SETD1B: variants seen among roughly 807,000 people sequenced by gnomAD.
SETD1B encodes the protein SET domain containing 1B, histone lysine methyltransferase.
In SETD1B, 7 loss-of-function variants were observed where a neutral mutation model predicts 148.0. The observed-to-expected ratio is 0.05, with a 90% CI of 0.03 to 0.09. The LOEUF is 0.09. Ranked by LOEUF, SETD1B falls within the 10% of genes least tolerant of loss-of-function variation. The pLI is 1.00. For missense variants in SETD1B, 2,155 were observed against 2,729.9 expected (o/e 0.79, Z 4.69); for synonymous variants, 1,361 against 1,186.5 (o/e 1.15, Z -3.02).
In SETD1B at chr12:121,808,352, C is replaced by G; in HGVS notation, c.657+32C>G. 1 of 1,475,088 alleles carries G rather than the reference C, an allele frequency of 6.8e-7. No homozygotes were observed. Among genetic ancestry groups the G allele is most frequent in the Non-Finnish European group, 9.3e-7 (1 of 1,079,912 alleles). 91.4% of individuals were successfully genotyped at this position (1,475,088 alleles called of 1,614,324 possible). On this transcript the variant is annotated intron_variant, in intron 5 of 16. Transcript: ENST00000604567. The surrounding 1 kb of genome is among the most constrained non-coding windows in gnomAD (Gnocchi z 5.3). ...TTATGGCCGTCAGTCTGCCCCATCG[C>G]CAGCTCTTTGATGTGCCCCCCACCT...
chr12:121,796,118 C>A, the SETD1B span: 1 of 152,654 alleles, frequency 6.6e-6, no homozygotes, highest in Non-Finnish European at 1.5e-5. Context: ...CTGCTCAGAG[C>A]TTCCTCGGAG....
intron 7 of SETD1B, among the ~76,000 whole-genome samples, chr12:121,816,431 T>C (rs1312769575): frequency 6.6e-6 from 1 of 152,220 alleles, no homozygotes; most frequent in Non-Finnish European, 1.5e-5. Context: ...AAATCACTGA[T>C]ACACAGCTCT....
the SETD1B span, among the ~76,000 whole-genome samples, chr12:121,796,813 G>A: frequency 2.6e-5 from 4 of 152,298 alleles, no homozygotes; most frequent in East Asian, 7.7e-4. Flanking sequence ...AGGCCGAGGT[G>A]GGCGGATCAC....
rs994444136 is a variant in SETD1B at position 121,822,782 on chromosome 12, G to A, written c.4203G>A (p.Pro1401=). The A allele has an allele frequency of 2.8e-5, 42 of 1,513,128 alleles. No homozygotes were observed. The highest frequency in any genetic ancestry group is 2.4e-4 in the South Asian group (19 of 78,936). The allele number at this position is 1,513,128 out of a possible 1,614,324, so 93.7% of individuals were successfully genotyped here. A position where few individuals can be genotyped will look rare whatever the true frequency, so the allele number is the denominator to read the frequency against. Residue 1401 remains proline, a synonymous_variant, in exon 12 of 17, where the codon CCG becomes CCA. Transcript: ENST00000604567. The part of the protein sequence containing the change: ...GGSSGLSLSS[P]QVPGSPFSYP... ...GCAGTGGCCTGTCCCTGAGCTCTCCGCAAGTGCCCGGCAGCCCCTTCTCCT... is the reference window on the plus strand; with the variant it reads ...GCAGTGGCCTGTCCCTGAGCTCTCCACAAGTGCCCGGCAGCCCCTTCTCCT...
chr12:121,827,496 GC>G, intron 13 of SETD1B, 22 bp from the exon 14 acceptor site: 4 of 1,518,862 alleles, frequency 2.6e-6, no homozygotes, highest in Non-Finnish European at 3.5e-6. Context: ...GCTCCGCTGA[GC>G]CCCGCACACC....
chr12:121,797,201 C>T, the SETD1B span: 35 of 352,782 alleles, frequency 9.9e-5, no homozygotes, highest in African/African-American at 6.9e-4. Flanking sequence ...CCAGAGGGTC[C>T]GAAAGGTCAT....
At position 121,827,195 on chromosome 12, in the gene SETD1B, G is replaced by A. The variant is rs148095458; in HGVS notation, c.5338-324G>A. ...ACACAAGGGTTTCGGAAGGATCCCC[G>A]ATTTTGAACGCTTGTGGGGTGAGAG... On this transcript the variant is annotated intron_variant, in intron 13 of 16. Coordinates refer to ENST00000604567, the MANE Select transcript of SETD1B (RefSeq NM_001353345.2). Among the ~76,000 whole-genome samples the A allele has an allele frequency of 9.3e-3, 1,410 of 152,170 alleles. 21 individuals are homozygous for A. Among genetic ancestry groups the A allele is most frequent in the African/African-American group, 0.032 (1,339 of 41,514 alleles).
chr12:121,806,314 T>C (rs992517573), intron 4 of SETD1B, among the ~76,000 whole-genome samples: 5 of 151,978 alleles, frequency 3.3e-5, no homozygotes, highest in Non-Finnish European at 5.9e-5. Flanking sequence ...TTACCAAATG[T>C]GCCGGTCCTT....
upstream of SETD1B, chr12:121,803,488 G>C (rs1875504679): frequency 6.6e-6 from 1 of 152,210 alleles, no homozygotes; most frequent in South Asian, 2.1e-4. This position sits in a 1 kb window ranked among gnomAD's most constrained non-coding sequence, Gnocchi z 4.7. Context: ...CAGCTCCGGG[G>C]AGGGGGTCGC....
upstream of SETD1B, chr12:121,800,614 TG>T (rs994413744): frequency 1.3e-5 from 2 of 150,880 alleles, no homozygotes; most frequent in Admixed American, 1.3e-4. Context: ...GGTGCCCGCG[TG>T]GGCCGCCGGG....
In SETD1B at chr12:121,804,920, C is replaced by T; in HGVS notation, c.174+9C>T. 1 of 1,487,176 alleles carries T rather than the reference C, an allele frequency of 6.7e-7. No homozygotes were observed. The highest frequency in any genetic ancestry group is 9.0e-7 in the Non-Finnish European group (1 of 1,115,344). 92.1% of individuals were successfully genotyped at this position (1,487,176 alleles called of 1,614,324 possible). On this transcript the variant is annotated intron_variant, in intron 2 of 16. Transcript: ENST00000604567. The surrounding 1 kb of genome is among the most constrained non-coding windows in gnomAD (Gnocchi z 4.6). ...AGCATTTCAGCCTGGCGGTGAGTAG[C>T]CGGCGCGCCCCCCCAGCCGTGCCCC...
Position 121,804,659 on chromosome 12 carries a change from C to T in SETD1B, c.-14-65C>T, listed in dbSNP as rs555684180. 8.8e-4 allele frequency: 1,234 copies of T among 1,402,182 alleles called. 13 individuals are homozygous for T. In the African/African-American group the frequency reaches 0.017, roughly 19 times the overall value. 86.9% of individuals were successfully genotyped at this position (1,402,182 alleles called of 1,614,324 possible). On this transcript the variant is annotated intron_variant, in intron 1 of 16. Transcript: ENST00000604567. This position sits in a 1 kb window ranked among gnomAD's most constrained non-coding sequence, Gnocchi z 4.6. ...GGGGCCTGCCGATTGGATTCTTTCG[C>T]GTGTGTGTAGAAGCGGCCGCCGCCG...
chr12:121,793,615 G>A, the SETD1B span: 12 of 1,544,890 alleles, frequency 7.8e-6, no homozygotes, highest in African/African-American at 1.6e-4. Context: ...GTCTGGGCCA[G>A]GGCCCCGGGG....
chr12:121,814,013 G>T, intron 6 of SETD1B, 93 bp from the exon 7 acceptor site: 2 of 1,027,050 alleles, frequency 1.9e-6, no homozygotes, highest in Non-Finnish European at 1.4e-6. Context: ...ACACAGCTGG[G>T]AGTGCCACTG....
upstream of SETD1B, chr12:121,803,527 T>TA (rs1003012947): frequency 6.6e-6 from 1 of 151,974 alleles, no homozygotes; most frequent in Non-Finnish European, 1.5e-5. The surrounding 1 kb of genome is among the most constrained non-coding windows in gnomAD (Gnocchi z 4.7). Flanking sequence ...GGAGCGCAGA[T>TA]ACCTCGATTG....
chr12:121,805,275 A>ACGCCAGTCCTGAC lies in SETD1B; in HGVS notation c.273+62_273+74dup, dbSNP rs1181130519. ...CCCCACCTCCCCGAGTTCGAAAATAACGCCAGTCCTGACCGAGCCCAGCCG... is the reference window on the plus strand; with the variant it reads ...CCCCACCTCCCCGAGTTCGAAAATAACGCCAGTCCTGACCGCCAGTCCTGACCGAGCCCAGCCG... On this transcript the variant is annotated intron_variant, in intron 3 of 16. Transcript: ENST00000604567. The surrounding 1 kb of genome is among the most constrained non-coding windows in gnomAD (Gnocchi z 4.2). The ACGCCAGTCCTGAC allele has an allele frequency of 1.4e-5, 20 of 1,381,184 alleles. No homozygotes were observed. Among genetic ancestry groups the ACGCCAGTCCTGAC allele is most frequent in the Admixed American group, 8.0e-5 (4 of 50,058 alleles). The allele number at this position is 1,381,184 out of a possible 1,614,324, so 85.6% of individuals were successfully genotyped here. A position where few individuals can be genotyped will look rare whatever the true frequency, so the allele number is the denominator to read the frequency against.
chr12:121,809,506 G>T, intron 5 of SETD1B, 97 bp from the exon 6 acceptor site: 1 of 1,310,238 alleles, frequency 7.6e-7, no homozygotes, highest in Non-Finnish European at 1.0e-6. Flanking sequence ...AGAGCAGTTT[G>T]GCTCTGAGCT....
intron 6 of SETD1B, among the ~76,000 whole-genome samples, chr12:121,812,262 G>A (rs1481258630): frequency 6.6e-6 from 1 of 152,148 alleles, no homozygotes; most frequent in Non-Finnish European, 1.5e-5. Context: ...CCAGCCGAGG[G>A]TGCAGGGGGG....
chr12:121,795,924 A>G, the SETD1B span: 1 of 152,420 alleles, frequency 6.6e-6, no homozygotes, highest in African/African-American at 2.4e-5. Flanking sequence ...GTGCCTTCCC[A>G]GCCCGGCCTG....
Sources: gnomAD v4.1 joint callset for allele counts (sites outside exome capture counted in the v4.1 genomes callset) on GRCh38, gnomAD v4.1.1 for gene constraint, Gnocchi (gnomAD v3.1) non-coding constraint, MANE v1.5 for transcripts, NCBI Gene and HGNC (gene_info 2026-07-23, HGNC 2026-07-21) for gene names.